The following PRIM2 variants were observed in gnomAD, a reference collection of about 807,000 sequenced individuals.
PRIM2 encodes the protein DNA primase subunit 2.
PRIM2 carries 39 observed loss-of-function variants against 67.3 expected under a neutral mutation model. The ratio of observed to expected loss-of-function variants is 0.58; its 90% CI spans 0.45 to 0.76. The LOEUF is 0.76. Among genes scored for constraint, PRIM2 ranks in the 30% least tolerant of loss-of-function variants. The probability of loss-of-function intolerance (pLI) is 0.00; values close to 1 mark genes in which losing one functional copy is unlikely to be tolerated. For synonymous variants in PRIM2, 143 were observed against 198.7 expected (o/e 0.72, Z 2.36); for missense variants, 398 against 598.7 (o/e 0.66, Z 3.50).
At chr6:57,248,015 G>A in the PRIM2 span, among the ~76,000 whole-genome samples, 1 of 152,118 alleles carries the variant, frequency 6.6e-6, no homozygotes, top group African/African-American at 2.4e-5. Context: ...AAAATAATTG[G>A]ATCAGGTACT....
At chr6:57,435,384 G>A (rs1581901505) in intron 7 of PRIM2, among the ~76,000 whole-genome samples, 1 of 151,998 alleles carries the variant, frequency 6.6e-6, no homozygotes, top group African/African-American at 2.4e-5. Flanking sequence ...CCTTTTTGCT[G>A]TTCTCTCCCT....
At chr6:57,615,675 T>C (rs1354922250) in intron 12 of PRIM2, among the ~76,000 whole-genome samples, 1 of 152,146 alleles carries the variant, frequency 6.6e-6, no homozygotes, top group African/African-American at 2.4e-5. Context: ...GTGAGAGGAT[T>C]GCTTGAAGCC....
chr6:57,481,867 T>C (rs1426068024), intron 7 of PRIM2, among the ~76,000 whole-genome samples: 27 of 152,334 alleles, frequency 1.8e-4, no homozygotes, highest in African/African-American at 4.8e-4. Context: ...ACTTTCTTTT[T>C]CTATTACAGA....
chr6:57,389,466 C>T (rs1424282195), intron 7 of PRIM2, among the ~76,000 whole-genome samples: 1 of 151,934 alleles, frequency 6.6e-6, no homozygotes, highest in African/African-American at 2.4e-5. Flanking sequence ...ACTGGTAAAA[C>T]GTTAAAGAAA....
chr6:57,587,664 C>CAAAAAAAAAAAAA (rs1157172882), intron 10 of PRIM2, among the ~76,000 whole-genome samples: 2 of 54,240 alleles, frequency 3.7e-5, no homozygotes, highest in African/African-American at 1.5e-4. Context: ...GACTCTGTCT[C>CAAAAAAAAAAAAA]AAAAAAAAAA....
At chr6:57,380,534 G>T (rs1769925694) in intron 6 of PRIM2, among the ~76,000 whole-genome samples, 1 of 152,130 alleles carries the variant, frequency 6.6e-6, no homozygotes, top group Non-Finnish European at 1.5e-5. Context: ...TCCCCACTCA[G>T]TTCAGATAAC....
intron 12 of PRIM2, among the ~76,000 whole-genome samples, chr6:57,627,806 A>T (rs1412416778): frequency 6.6e-6 from 1 of 152,204 alleles, no homozygotes; most frequent in Non-Finnish European, 1.5e-5. Context: ...ACTAAGTCAT[A>T]CTGCCATTTG....
At position 57,459,338 on chromosome 6, in the gene PRIM2, A is replaced by C. The variant is rs879929085; in HGVS notation, c.694-48049A>C. 7.2e-3 allele frequency among the ~76,000 whole-genome samples: 1,099 copies of C among 152,236 alleles called. 8 individuals carry two copies. Among genetic ancestry groups the C allele is most frequent in the Middle Eastern group, 0.014 (4 of 294 alleles). On this transcript the variant is annotated intron_variant, in intron 7 of 13. Coordinates refer to ENST00000615550, the MANE Select transcript of PRIM2 (RefSeq NM_000947.5). ...CCTGTTGGTAGAGTTATTCAAGTGC[A>C]TGATTACTTGTTAAAAACCTCATAG...
chr6:57,509,740 G>A (rs1774322543), intron 8 of PRIM2, among the ~76,000 whole-genome samples: 1 of 150,832 alleles, frequency 6.6e-6, no homozygotes, highest in African/African-American at 2.4e-5. Flanking sequence ...TTTTCCTTCT[G>A]CCACTTCTAT....
At chr6:57,627,630 G>A (rs1472911541) in intron 12 of PRIM2, among the ~76,000 whole-genome samples, 36 of 151,888 alleles carry the variant, frequency 2.4e-4, no homozygotes, top group Middle Eastern at 3.2e-3. Context: ...CTCATGATCC[G>A]CCTGCCTTGG....
At chr6:57,256,479 C>A in the PRIM2 span, among the ~76,000 whole-genome samples, 1 of 152,162 alleles carries the variant, frequency 6.6e-6, no homozygotes, top group Non-Finnish European at 1.5e-5. Context: ...ACGTAAGTCA[C>A]ATTATTATAA....
chr6:57,630,763 T>C (rs1311680755), intron 12 of PRIM2, among the ~76,000 whole-genome samples: 2 of 152,074 alleles, frequency 1.3e-5, no homozygotes, highest in African/African-American at 2.4e-5. Flanking sequence ...TGTTTGTCAG[T>C]AATTATTTGC....
chr6:57,536,204 T>C (rs1198351832), intron 9 of PRIM2, among the ~76,000 whole-genome samples: 10 of 152,210 alleles, frequency 6.6e-5, no homozygotes, highest in Admixed American at 6.5e-4. Context: ...CTGCTCTTTC[T>C]TATAGATGAA....
intron 12 of PRIM2, among the ~76,000 whole-genome samples, chr6:57,611,184 G>A (rs1776659937): frequency 1.3e-5 from 2 of 152,182 alleles, no homozygotes; most frequent in African/African-American, 4.8e-5. Flanking sequence ...GTGAACAATT[G>A]GAAATTAAAC....
At chr6:57,645,197 G>A (rs1226702128) in intron 13 of PRIM2, among the ~76,000 whole-genome samples, 4 of 151,914 alleles carry the variant, frequency 2.6e-5, no homozygotes, top group Non-Finnish European at 4.4e-5. Context: ...ATGATTTTAC[G>A]ATCACTTAAA....
intron 10 of PRIM2, among the ~76,000 whole-genome samples, chr6:57,550,591 A>T (rs2127474800): frequency 6.6e-6 from 1 of 152,318 alleles, no homozygotes; most frequent in African/African-American, 2.4e-5. Flanking sequence ...TGGAAATAAG[A>T]TAAAAAATAG....
At chr6:57,331,754 T>C (rs1313981795) in intron 5 of PRIM2, among the ~76,000 whole-genome samples, 1 of 152,002 alleles carries the variant, frequency 6.6e-6, no homozygotes, top group Non-Finnish European at 1.5e-5. Flanking sequence ...TGATGTCTTC[T>C]CTTTCCTTCC....
intron 10 of PRIM2, among the ~76,000 whole-genome samples, chr6:57,586,133 G>C (rs1238494855): frequency 6.6e-6 from 1 of 152,122 alleles, no homozygotes; most frequent in Non-Finnish European, 1.5e-5. Context: ...AAATTGTGGG[G>C]AATCAAGTAG....
chr6:57,367,101 C>T (rs1769386840), intron 5 of PRIM2, among the ~76,000 whole-genome samples: 1 of 151,924 alleles, frequency 6.6e-6, no homozygotes, highest in African/African-American at 2.4e-5. Context: ...ATTAGCTTGA[C>T]AGTATTACTG....
Sources: gnomAD v4.1 joint callset for allele counts (sites outside exome capture counted in the v4.1 genomes callset) on GRCh38, gnomAD v4.1.1 for gene constraint, MANE v1.5 for transcripts, NCBI Gene and HGNC (gene_info 2026-07-23, HGNC 2026-07-21) for gene names.